Variants in CPAMD8 observed in about 807,000 individuals in gnomAD.
CPAMD8 encodes the protein C3 and PZP like alpha-2-macroglobulin domain containing 8, also known as C3 and PZP-like alpha-2-macroglobulin domain-containing protein 8.
A neutral mutation model predicts 224.7 loss-of-function variants in CPAMD8; 146 were observed. The ratio of observed to expected loss-of-function variants is 0.65; its 90% CI spans 0.57 to 0.75. The LOEUF (loss-of-function observed/expected upper bound fraction) is 0.75. Among genes scored for constraint, CPAMD8 ranks in the 30% least tolerant of loss-of-function variants. The pLI is 0.00. For synonymous variants in CPAMD8, 966 were observed against 1,044.6 expected, an observed-to-expected ratio of 0.92 and a Z score of 1.45; for missense variants, 2,301 against 2,537.5, an observed-to-expected ratio of 0.91 and a Z score of 2.00.
intron 7 of CPAMD8, among the ~76,000 whole-genome samples, chr19:17,007,879 G>A (rs1030978151): frequency 3.3e-5 from 5 of 152,198 alleles, no homozygotes; most frequent in African/African-American, 1.2e-4. Flanking sequence ...GGAAGAAGCT[G>A]GGAGCAGGCC....
chr19:17,005,412 A>C (rs2056460369), intron 7 of CPAMD8, among the ~76,000 whole-genome samples: 1 of 117,042 alleles, frequency 8.5e-6, no homozygotes, highest in Non-Finnish European at 1.7e-5. Flanking sequence ...CCACCCCCCA[A>C]CTGAACTAGA....
At chr19:16,958,065 A>G (rs1191982062) in intron 18 of CPAMD8, 150 bp from the exon 19 acceptor site, 3 of 693,958 alleles carry the variant, frequency 4.3e-6, no homozygotes, top group African/African-American at 3.6e-5. Flanking sequence ...GGGATATAAC[A>G]TGTTAATTCT....
rs768578903 is a variant in CPAMD8 at position 16,977,464 on chromosome 19, G to A, written c.1662C>T (p.Val554=). 3.1e-6 allele frequency: 5 copies of A among 1,610,780 alleles called. No homozygotes were observed. The East Asian group carries it at 6.7e-5, about 22-fold the overall frequency. ...SLHLAVTPSM[V]PLGRLLVFYV... ...AGAAGACCAGCAGGCGACCAAGGGGGACCATGCTGGGGGTCACGGCCAGAT... is the reference window on the plus strand; with the variant it reads ...AGAAGACCAGCAGGCGACCAAGGGGAACCATGCTGGGGGTCACGGCCAGAT... The change falls in exon 15 of 42, where the codon GTC becomes GTT. Residue 554 remains valine (V), a synonymous_variant. Transcript: ENST00000443236.
chr19:16,984,107 T>G (rs1006075353), intron 13 of CPAMD8, among the ~76,000 whole-genome samples: 1 of 152,032 alleles, frequency 6.6e-6, no homozygotes, highest in African/African-American at 2.4e-5. Flanking sequence ...GGGGAAAGCA[T>G]AGTCTTTTTA....
intron 13 of CPAMD8, among the ~76,000 whole-genome samples, chr19:16,982,698 T>G (rs1299060424): frequency 6.6e-6 from 1 of 151,906 alleles, no homozygotes; most frequent in Non-Finnish European, 1.5e-5. Context: ...AATAGCTGGG[T>G]GTGGTGGCAC....
At chr19:17,009,210 A>T (rs1372313142) in intron 6 of CPAMD8, 93 bp downstream of exon 6, 6 of 1,608,498 alleles carry the variant, frequency 3.7e-6, no homozygotes, top group Non-Finnish European at 5.1e-6. Flanking sequence ...CTCAACCCAG[A>T]AGGCAGACAG....
intron 9 of CPAMD8, among the ~76,000 whole-genome samples, chr19:17,001,283 T>C (rs2056305954): frequency 1.6e-5 from 2 of 124,194 alleles, no homozygotes; most frequent in South Asian, 5.3e-4. Flanking sequence ...AGACTGTCAC[T>C]ACACTCCAGC....
chr19:16,945,775 G>C, intron 21 of CPAMD8, 96 bp from the exon 22 acceptor site: 1 of 1,111,352 alleles, frequency 9.0e-7, no homozygotes, highest in Non-Finnish European at 1.4e-6. Context: ...GTGCATGCAT[G>C]CATGTGTGTG....
intron 12 of CPAMD8, among the ~76,000 whole-genome samples, chr19:16,990,897 G>T (rs966825296): frequency 8.4e-6 from 1 of 119,438 alleles, no homozygotes; most frequent in Non-Finnish European, 1.8e-5. Flanking sequence ...AAAAAAGTTG[G>T]CCTGCCTCTG....
At chr19:16,894,370 C>G (rs1409026880) in intron 41 of CPAMD8, 3 of 456,492 alleles carry the variant, frequency 6.6e-6, no homozygotes, top group South Asian at 4.6e-5. Flanking sequence ...CTGATAGGGA[C>G]AGGATGCAGC....
intron 18 of CPAMD8, among the ~76,000 whole-genome samples, chr19:16,960,053 T>C (rs995752780): frequency 6.6e-6 from 1 of 152,058 alleles, no homozygotes; most frequent in Admixed American, 6.6e-5. Context: ...CTAATTTCCC[T>C]CCCTGGGTTT....
At chr19:16,959,788 C>T (rs2122495807) in intron 18 of CPAMD8, among the ~76,000 whole-genome samples, 1 of 151,996 alleles carries the variant, frequency 6.6e-6, no homozygotes, top group South Asian at 2.1e-4. Flanking sequence ...ATCCACCCAC[C>T]TCAGCCTCTC....
chr19:16,921,429 GCCTCCCAGGGGC>G (rs1431221810), intron 27 of CPAMD8, among the ~76,000 whole-genome samples: 1 of 152,054 alleles, frequency 6.6e-6, no homozygotes, highest in Non-Finnish European at 1.5e-5. Flanking sequence ...GGTGTGCCCG[GCCTCCCAGGGGC>G]CCTCCCTGCC....
chr19:17,018,334 A>G (rs766707604), intron 3 of CPAMD8, among the ~76,000 whole-genome samples: 5 of 152,156 alleles, frequency 3.3e-5, no homozygotes, highest in Non-Finnish European at 5.9e-5. Context: ...TTTGGTACAT[A>G]TAATAATTTA....
At chr19:16,974,255 C>T (rs1242271617) in intron 17 of CPAMD8, among the ~76,000 whole-genome samples, 2 of 152,084 alleles carry the variant, frequency 1.3e-5, no homozygotes. Flanking sequence ...CCTCAGCCTC[C>T]CGAGTAGCTG....
chr19:17,009,238 G>C (rs903398729), intron 6 of CPAMD8, 65 bp downstream of exon 6: 3 of 1,613,616 alleles, frequency 1.9e-6, no homozygotes, highest in African/African-American at 2.7e-5. Flanking sequence ...AGACAGACCA[G>C]ATCTTGCAGA....
chr19:16,996,220 C>T lies in CPAMD8; in HGVS notation c.1095+891G>A, dbSNP rs1017628722. Among the ~76,000 whole-genome samples the T allele has an allele frequency of 6.6e-5, 10 of 151,940 alleles. No homozygotes were observed. The South Asian group carries it at 1.0e-3, about 16-fold the overall frequency. The stretch of plus-strand genomic sequence containing the variant: ...GGGCGTGGTGGCTCATGCCTGCAGT[C>T]CCAGCTACCCAGGATGCTGAGGCAG... On this transcript the variant is annotated intron_variant, in intron 11 of 41. Coordinates refer to ENST00000443236, the MANE Select transcript of CPAMD8 (RefSeq NM_015692.5).
intron 22 of CPAMD8, 61 bp downstream of exon 22, chr19:16,945,488 A>G: frequency 6.3e-7 from 1 of 1,583,032 alleles, no homozygotes; most frequent in Non-Finnish European, 8.6e-7. Flanking sequence ...AGCTGGGCCC[A>G]GCTTCATGGC....
intron 13 of CPAMD8, among the ~76,000 whole-genome samples, chr19:16,988,365 T>C (rs1000031114): frequency 2.6e-5 from 4 of 152,050 alleles, no homozygotes; most frequent in African/African-American, 4.8e-5. Flanking sequence ...AATCCCAGCA[T>C]TTTGGGAGGC....
Sources: allele counts gnomAD v4.1 joint callset (sites outside exome capture counted in the v4.1 genomes callset), GRCh38; gene constraint gnomAD v4.1.1; transcripts MANE v1.5; gene names NCBI Gene and HGNC (gene_info 2026-07-23, HGNC 2026-07-21).